DCDC1: variants seen among roughly 807,000 people sequenced by gnomAD.
The protein encoded by DCDC1 is doublecortin domain-containing protein 1.
Under a neutral mutation model 178.3 loss-of-function variants are expected in DCDC1, and 200 were observed. The observed-to-expected ratio is 1.12, with a 90% CI of 1.00 to 1.26. The LOEUF is 1.26. Ranked by LOEUF, DCDC1 falls within the 50% of genes most tolerant of loss-of-function variation. DCDC1 has a pLI of 0.00. For synonymous variants in DCDC1, 690 were observed against 604.8 expected, an observed-to-expected ratio of 1.14 and a Z score of -2.07; for missense variants, 1,983 against 1,749.2, an observed-to-expected ratio of 1.13 and a Z score of -2.38.
At chr11:31,128,007 C>T (rs965213119) in intron 10 of DCDC1, among the ~76,000 whole-genome samples, 4 of 151,980 alleles carry the variant, frequency 2.6e-5, no homozygotes, top group African/African-American at 9.7e-5. Context: ...ATGTAACCTA[C>T]CACCAAATAT....
At position 30,989,014 on chromosome 11, in the gene DCDC1, T is replaced by G. The variant is rs573756359; in HGVS notation, c.2592-36446A>C. 1.2e-4 allele frequency among the ~76,000 whole-genome samples: 18 copies of G among 152,306 alleles called. No homozygotes were observed. In the South Asian group the frequency reaches 2.7e-3, roughly 23 times the overall value. ...GCTACAGATTTGGGAATCACTGATA[T>G]TTCTATGGCATTCCAATTCATGGGA... On this transcript the variant is annotated intron_variant, in intron 20 of 38. Coordinates refer to ENST00000684477, the MANE Select transcript of DCDC1 (RefSeq NM_001387274.1).
intron 12 of DCDC1, 143 bp from the exon 13 acceptor site, chr11:31,107,103 TGTGAAATGAC>T: frequency 1.7e-6 from 1 of 597,428 alleles, no homozygotes; most frequent in Non-Finnish European, 3.0e-6. Context: ...TTAAAAGAAG[TGTGAAATGAC>T]GGCAATGTTT....
chr11:30,913,322 T>C (rs1252048563), intron 27 of DCDC1, among the ~76,000 whole-genome samples: 1 of 151,580 alleles, frequency 6.6e-6, no homozygotes, highest in Non-Finnish European at 1.5e-5. Flanking sequence ...GGCAGGAGAA[T>C]GGCATGAACC....
rs151063721 is a variant in DCDC1, at chr11:31,100,511, T to C, written c.1983+1666A>G. Among the ~76,000 whole-genome samples, 796 of 152,290 alleles carry C rather than the reference T, an allele frequency of 5.2e-3. 8 individuals carry two copies. The highest frequency in any genetic ancestry group is 0.018 in the African/African-American group (759 of 41,554). ...ATAAAGATTAATTCTTTCTGGAGTA[T>C]CTGAGAAGGCTTTATGGAAGAGTAA... On this transcript the variant is annotated intron_variant, in intron 15 of 38. Transcript: ENST00000684477.
chr11:31,361,426 T>G (rs903829221), intron 1 of DCDC1, among the ~76,000 whole-genome samples: 4 of 152,200 alleles, frequency 2.6e-5, no homozygotes, highest in African/African-American at 9.7e-5. Flanking sequence ...TACCTATCTT[T>G]AGAGAGACAG....
At chr11:31,076,048 G>A (rs537401667) in intron 18 of DCDC1, among the ~76,000 whole-genome samples, 12 of 152,178 alleles carry the variant, frequency 7.9e-5, no homozygotes, top group African/African-American at 1.2e-4. Context: ...TAGTAGAGAC[G>A]GGGTTTCTCC....
chr11:30,944,239 T>C, intron 21 of DCDC1: 1 of 446,194 alleles, frequency 2.2e-6, no homozygotes, highest in Middle Eastern at 3.3e-4. Flanking sequence ...TCCTTCCTTT[T>C]CTTGTTTCTT....
intron 1 of DCDC1, among the ~76,000 whole-genome samples, chr11:31,356,651 G>A (rs1457685036): frequency 6.6e-6 from 1 of 150,558 alleles, no homozygotes; most frequent in Non-Finnish European, 1.5e-5. Context: ...TCCAGGAGCT[G>A]GTTTTTTGAA....
chr11:31,138,925 A>T (rs909978298), intron 9 of DCDC1, among the ~76,000 whole-genome samples: 8 of 152,134 alleles, frequency 5.3e-5, no homozygotes, highest in Non-Finnish European at 2.9e-5. Context: ...TTTGTTAGAG[A>T]GAAAAGGCCC....
intron 1 of DCDC1, among the ~76,000 whole-genome samples, chr11:31,359,514 G>A (rs1279403585): frequency 1.3e-5 from 2 of 152,002 alleles, no homozygotes; most frequent in Non-Finnish European, 2.9e-5. Flanking sequence ...CAGCGCACCA[G>A]CATGGCACAT....
In DCDC1 at chr11:30,898,618, G is replaced by A. The variant is rs532928408; in HGVS notation, c.4765+923C>T. Among the ~76,000 whole-genome samples, 6 of 152,272 alleles carry A rather than the reference G, an allele frequency of 3.9e-5. No homozygotes were observed. In the East Asian group the frequency reaches 1.2e-3, roughly 29 times the overall value. On this transcript the variant is annotated intron_variant, in intron 34 of 38. Transcript: ENST00000684477. ...GGGGTAGTATGACAGTTGTAGTTTT[G>A]GAAATGTCCATGGAACATTCAAGTG...
At chr11:31,110,720 A>T (rs984303158) in intron 11 of DCDC1, among the ~76,000 whole-genome samples, 5 of 152,194 alleles carry the variant, frequency 3.3e-5, no homozygotes, top group Non-Finnish European at 7.4e-5. Context: ...CAAAAAAAAA[A>T]AAAAGTCAAT....
At chr11:31,004,160 A>G (rs1590725792) in intron 20 of DCDC1, among the ~76,000 whole-genome samples, 1 of 152,178 alleles carries the variant, frequency 6.6e-6, no homozygotes, top group East Asian at 1.9e-4. Flanking sequence ...TATAAGAACT[A>G]CTCTTTAAAT....
chr11:31,058,429 T>C (rs1370147975), intron 20 of DCDC1, among the ~76,000 whole-genome samples: 2 of 152,134 alleles, frequency 1.3e-5, no homozygotes, highest in Non-Finnish European at 2.9e-5. Context: ...AATTGGGCAA[T>C]TCAGACAGTA....
chr11:30,976,452 C>T (rs1430628917), intron 20 of DCDC1, among the ~76,000 whole-genome samples: 1 of 151,606 alleles, frequency 6.6e-6, no homozygotes, highest in Admixed American at 6.6e-5. Flanking sequence ...GGGCTGATAT[C>T]CAGAATATAC....
At chr11:31,364,110 G>A (rs1355362974) in intron 1 of DCDC1, among the ~76,000 whole-genome samples, 1 of 152,162 alleles carries the variant, frequency 6.6e-6, no homozygotes, top group Non-Finnish European at 1.5e-5. Flanking sequence ...CCCAACTGTA[G>A]GCTAAAGAAA....
intron 18 of DCDC1, among the ~76,000 whole-genome samples, chr11:31,077,347 T>C (rs1268285296): frequency 7.2e-5 from 11 of 152,204 alleles, no homozygotes; most frequent in Non-Finnish European, 1.3e-4. Context: ...TTCCAATGAA[T>C]ACACAGTGTC....
chr11:31,271,924 A>T (rs1384009190), intron 7 of DCDC1, among the ~76,000 whole-genome samples: 1 of 152,128 alleles, frequency 6.6e-6, no homozygotes, highest in Non-Finnish European at 1.5e-5. Context: ...GCATTTTGGG[A>T]GGCCAAGGAG....
At chr11:30,951,433 A>G (rs1243584623) in intron 21 of DCDC1, among the ~76,000 whole-genome samples, 1 of 152,114 alleles carries the variant, frequency 6.6e-6, no homozygotes, top group Non-Finnish European at 1.5e-5. Flanking sequence ...TCAATAACTA[A>G]AAGAAGGTTG....
Sources: gnomAD v4.1 joint callset for allele counts (sites outside exome capture counted in the v4.1 genomes callset) on GRCh38, gnomAD v4.1.1 for gene constraint, MANE v1.5 for transcripts, NCBI Gene and HGNC (gene_info 2026-07-23, HGNC 2026-07-21) for gene names.